TANC2: variants seen among roughly 807,000 people sequenced by gnomAD.
TANC2 encodes the protein tetratricopeptide repeat, ankyrin repeat and coiled-coil containing 2.
TANC2 carries 26 observed loss-of-function variants against 210.5 expected under a neutral mutation model. The observed-to-expected ratio is 0.12, with a 90% CI of 0.09 to 0.17. TANC2 has a LOEUF of 0.17. TANC2 is among the 10% of genes least tolerant of loss of function. The probability of loss-of-function intolerance (pLI) is 1.00; values close to 1 mark genes in which losing one functional copy is unlikely to be tolerated. For synonymous variants in TANC2, 931 were observed against 967.1 expected (o/e 0.96, Z 0.69); for missense variants, 2,129 against 2,608.9 (o/e 0.82, Z 4.01).
chr17:62,991,543 G>A (rs771665908), intron 1 of TANC2, among the ~76,000 whole-genome samples: 17 of 151,930 alleles, frequency 1.1e-4, no homozygotes, highest in Admixed American at 6.5e-5. Flanking sequence ...GGGAGGCTGA[G>A]GCAGGAGAAT....
chr17:63,125,905 A>G (rs1420779833), intron 4 of TANC2, among the ~76,000 whole-genome samples: 2 of 152,216 alleles, frequency 1.3e-5, no homozygotes, highest in East Asian at 1.9e-4. Flanking sequence ...CTTATCTTAC[A>G]TAGTTTGTGT....
intron 9 of TANC2, among the ~76,000 whole-genome samples, chr17:63,288,481 A>G (rs2044290104): frequency 6.6e-6 from 1 of 152,234 alleles, no homozygotes; most frequent in African/African-American, 2.4e-5. Flanking sequence ...CTTGAAAAGA[A>G]TGTGCATTCT....
intron 11 of TANC2, among the ~76,000 whole-genome samples, chr17:63,324,722 A>G (rs1342257142): frequency 6.6e-6 from 1 of 152,160 alleles, no homozygotes; most frequent in East Asian, 1.9e-4. Context: ...AACACTGAAT[A>G]TGGGAAAACA....
In TANC2 at chr17:63,251,620, C is replaced by T. The variant is rs141517429; in HGVS notation, c.1033+13543C>T. ...AAATGATAGATTCAGATAACACCAA[C>T]CATAATTTTATTGTAGTCCCAGATT... On this transcript the variant is annotated intron_variant, in intron 8 of 27. Coordinates refer to ENST00000689528, the Ensembl canonical transcript of TANC2. 2.5e-3 allele frequency among the ~76,000 whole-genome samples: 376 copies of T among 152,240 alleles called. 2 individuals carry two copies. Among genetic ancestry groups the T allele is most frequent in the African/African-American group, 8.9e-3 (368 of 41,552 alleles).
chr17:63,310,868 A>G (rs1488198512), intron 9 of TANC2, among the ~76,000 whole-genome samples: 11 of 152,226 alleles, frequency 7.2e-5, no homozygotes, highest in Admixed American at 7.2e-4. Context: ...CAATTTGGTA[A>G]GGTGTATCAA....
At chr17:63,291,941 G>T (rs1218092604) in intron 9 of TANC2, among the ~76,000 whole-genome samples, 3 of 152,180 alleles carry the variant, frequency 2.0e-5, no homozygotes, top group African/African-American at 7.2e-5. Flanking sequence ...TAAGGAGGAA[G>T]AAATTATGGG....
At chr17:63,091,250 A>G (rs2037182007) in intron 3 of TANC2, among the ~76,000 whole-genome samples, 1 of 152,058 alleles carries the variant, frequency 6.6e-6, no homozygotes, top group Non-Finnish European at 1.5e-5. Flanking sequence ...TTTTGTTGCC[A>G]TTGCTTTTGG....
intron 5 of TANC2, among the ~76,000 whole-genome samples, chr17:63,163,732 GT>G (rs2040108052): frequency 6.6e-6 from 1 of 152,162 alleles, no homozygotes; most frequent in Non-Finnish European, 1.5e-5. Context: ...ATAGAATCCT[GT>G]ATTCATAGAC....
At chr17:63,320,513 A>G (rs543726119) in intron 11 of TANC2, 2 of 152,322 alleles carry the variant, frequency 1.3e-5, no homozygotes, top group African/African-American at 2.4e-5. Context: ...TGCATAGGAC[A>G]TAAATTTTTT....
At chr17:63,309,780 G>A (rs1037345245) in intron 9 of TANC2, among the ~76,000 whole-genome samples, 3 of 152,014 alleles carry the variant, frequency 2.0e-5, no homozygotes, top group Non-Finnish European at 4.4e-5. Flanking sequence ...GAATAATGAT[G>A]GGAGACTCAC....
At chr17:63,121,981 GGGAAGA>G (rs2038499572) in intron 4 of TANC2, among the ~76,000 whole-genome samples, 1 of 150,826 alleles carries the variant, frequency 6.6e-6, no homozygotes, top group African/African-American at 2.4e-5. Context: ...GGGGGGAGGG[GGGAAGA>G]GGGGGAGGGG....
intron 5 of TANC2, among the ~76,000 whole-genome samples, chr17:63,190,685 A>G (rs2041154333): frequency 1.3e-5 from 2 of 152,186 alleles, no homozygotes; most frequent in African/African-American, 2.4e-5. Context: ...TATCATAACA[A>G]AATTGTCTTC....
At chr17:63,050,359 GAAAA>G (rs755089558) in intron 2 of TANC2, among the ~76,000 whole-genome samples, 3 of 84,878 alleles carry the variant, frequency 3.5e-5, no homozygotes, top group Admixed American at 2.6e-4. Flanking sequence ...CCTGTTTCAA[GAAAA>G]AAAAAAAAAA....
At chr17:63,153,664 C>CTG in intron 5 of TANC2, 1 of 152,260 alleles carries the variant, frequency 6.6e-6, no homozygotes, top group East Asian at 1.9e-4. Context: ...AGGCTACTCA[C>CTG]TGTACAGTCA....
At chr17:62,974,984 C>G (rs549944264) in intron 1 of TANC2, among the ~76,000 whole-genome samples, 37 of 152,266 alleles carry the variant, frequency 2.4e-4, no homozygotes, top group African/African-American at 8.7e-4. Context: ...CTAGCATTAT[C>G]ATATGATGAC....
chr17:63,304,027 A>G (rs2044813620), intron 9 of TANC2, among the ~76,000 whole-genome samples: 1 of 152,022 alleles, frequency 6.6e-6, no homozygotes, highest in African/African-American at 2.4e-5. Flanking sequence ...GCATTGGGTT[A>G]GAACATGCTA....
At chr17:63,186,635 C>T (rs947191106) in intron 5 of TANC2, among the ~76,000 whole-genome samples, 22 of 152,110 alleles carry the variant, frequency 1.4e-4, no homozygotes, top group Admixed American at 1.2e-3. Context: ...GGATTACAGG[C>T]GTGAGCCACC....
rs891843298 is a variant in TANC2 at position 62,984,986 on chromosome 17, T to G, written c.-24+18237T>G. ...AATCCATTTGGTCTGTGGTGTAGTT[T>G]AAATCTGATGTTTCTTTGTTGACTT... On this transcript the variant is annotated intron_variant, in intron 1 of 27. Coordinates refer to ENST00000689528, the Ensembl canonical transcript of TANC2. Among the ~76,000 whole-genome samples, 12 of 152,330 alleles carry G rather than the reference T, an allele frequency of 7.9e-5. No individual in the cohort carries two copies. The East Asian group carries it at 2.3e-3, about 29-fold the overall frequency.
intron 3 of TANC2, among the ~76,000 whole-genome samples, chr17:63,090,472 C>T (rs994911107): frequency 4.6e-5 from 7 of 151,974 alleles, no homozygotes; most frequent in Non-Finnish European, 8.8e-5. Flanking sequence ...ATTTGCTGTC[C>T]TTGCAATAGT....
Sources: allele counts gnomAD v4.1 joint callset (sites outside exome capture counted in the v4.1 genomes callset), GRCh38; gene constraint gnomAD v4.1.1; transcripts MANE v1.5; gene names NCBI Gene and HGNC (gene_info 2026-07-23, HGNC 2026-07-21).